Variants in AOPEP observed in about 807,000 individuals in gnomAD.
AOPEP encodes aminopeptidase O.
Under a neutral mutation model 98.1 loss-of-function variants are expected in AOPEP, and 77 were observed. That is an observed-to-expected ratio of 0.78 (90% CI 0.65 to 0.95). AOPEP has a LOEUF of 0.95. Ranked by LOEUF, AOPEP falls within the 40% of genes least tolerant of loss-of-function variation. The pLI, the probability that AOPEP is intolerant of heterozygous loss-of-function variation, is 0.00. For missense variants in AOPEP, 1,024 were observed against 1,024.7 expected (o/e 1.00, Z 0.01); for synonymous variants, 346 against 365.3 (o/e 0.95, Z 0.60).
rs992337182 is a variant in AOPEP, at chr9:95,052,914, T to C, written c.2116-7780T>C. ...GAAAATTTTAAATTCTTCCAGTTCT[T>C]GATTGCTGCTTGCACAGAACCAATG... is the stretch of plus-strand genomic sequence containing the variant. On this transcript the variant is annotated intron_variant, in intron 13 of 16. Transcript: ENST00000375315. 2.0e-5 allele frequency among the ~76,000 whole-genome samples: 3 copies of C among 152,224 alleles called. No individual in the cohort carries two copies. In the South Asian group the frequency reaches 6.2e-4, roughly 32 times the overall value.
intron 11 of AOPEP, among the ~76,000 whole-genome samples, chr9:94,986,501 A>C (rs942357869): frequency 1.3e-5 from 2 of 152,196 alleles, no homozygotes; most frequent in Admixed American, 6.5e-5. Flanking sequence ...AAAATTACTC[A>C]GCGCAACCTC....
intron 13 of AOPEP, among the ~76,000 whole-genome samples, chr9:95,014,371 G>A (rs2062810581): frequency 6.6e-6 from 1 of 152,024 alleles, no homozygotes; most frequent in South Asian, 2.1e-4. Flanking sequence ...CTCCTCCAGG[G>A]CTGAGGTGGA....
chr9:94,869,774 A>C (rs1588630979), intron 5 of AOPEP, among the ~76,000 whole-genome samples: 1 of 152,172 alleles, frequency 6.6e-6, no homozygotes, highest in East Asian at 1.9e-4. Context: ...TCTGCTGTGA[A>C]TCTCTCTCCA....
At position 94,808,049 on chromosome 9, in the gene AOPEP, T is replaced by C. The variant is rs570771747; in HGVS notation, c.1364+7047T>C. ...GCCACCTTTTCTTTTTTCTTTCTTT[T>C]TTTTTTTTTTTGAGACGGAGTCTCA... On this transcript the variant is annotated intron_variant, in intron 5 of 16. Transcript: ENST00000375315. Among the ~76,000 whole-genome samples the C allele has an allele frequency of 1.4e-3, 207 of 151,382 alleles. 2 individuals carry two copies. The highest frequency in any genetic ancestry group is 3.4e-3 in the Middle Eastern group (1 of 292).
chr9:94,825,860 G>T (rs1278284141), intron 5 of AOPEP, among the ~76,000 whole-genome samples: 3 of 152,158 alleles, frequency 2.0e-5, no homozygotes, highest in Admixed American at 1.3e-4. Flanking sequence ...TACAGACCTG[G>T]CATATTCAGT....
rs752252230 is a variant in AOPEP, at chr9:94,760,076, A to G, written c.293A>G (p.Asp98Gly). 9.5e-5 allele frequency: 154 copies of G among 1,614,096 alleles called. No homozygotes were observed. The highest frequency in any genetic ancestry group is 1.2e-4 in the Non-Finnish European group (145 of 1,180,050). The change falls in exon 2 of 17, where the codon GAT (aspartate) becomes GGT (glycine). Residue 98 changes from aspartate (D) to glycine (G), a missense_variant. Coordinates refer to ENST00000375315, the MANE Select transcript of AOPEP (RefSeq NM_001193329.3). Reference sequence around the variant, plus strand: ...TTCTCATCTGAAATGGAATATAATGATTTTGCAATCTGTAGTAAAGGTGAA... The same window carrying G: ...TTCTCATCTGAAATGGAATATAATGGTTTTGCAATCTGTAGTAAAGGTGAA... ...RTFSSEMEYN[D>G]FAICSKGEKD...
chr9:94,998,089 T>C (rs2061349259), intron 11 of AOPEP, among the ~76,000 whole-genome samples: 1 of 152,062 alleles, frequency 6.6e-6, no homozygotes. Flanking sequence ...TAATAATGTC[T>C]GCTTTTTAGA....
At chr9:95,132,215 G>A in the AOPEP span, among the ~76,000 whole-genome samples, 1 of 152,342 alleles carries the variant, frequency 6.6e-6, no homozygotes, top group East Asian at 1.9e-4. Context: ...GCCCTGGCAT[G>A]CAGCTTGCCA....
At chr9:94,859,878 T>C (rs1313310614) in intron 5 of AOPEP, among the ~76,000 whole-genome samples, 1 of 152,248 alleles carries the variant, frequency 6.6e-6, no homozygotes, top group Non-Finnish European at 1.5e-5. Flanking sequence ...GATAAATAAA[T>C]TCAGCAGACA....
At chr9:94,955,639 CTCTT>C (rs1020847600) in intron 8 of AOPEP, among the ~76,000 whole-genome samples, 6 of 152,102 alleles carry the variant, frequency 3.9e-5, no homozygotes, top group Non-Finnish European at 5.9e-5. Flanking sequence ...AACTGGGTCT[CTCTT>C]CTCTTTTCAT....
chr9:95,005,064 AG>A (rs2061878773), intron 11 of AOPEP, 93 bp from the exon 12 acceptor site: 1 of 498,988 alleles, frequency 2.0e-6, no homozygotes, highest in Admixed American at 6.2e-5. Context: ...GCCGCGGGCG[AG>A]GTACGGGGCG....
intron 5 of AOPEP, among the ~76,000 whole-genome samples, chr9:94,914,480 A>G (rs935942091): frequency 6.6e-6 from 1 of 150,384 alleles, no homozygotes; most frequent in African/African-American, 2.5e-5. Flanking sequence ...AATGCTTATT[A>G]TTGTTCTTAG....
chr9:94,953,336 A>G (rs753182601), intron 7 of AOPEP, among the ~76,000 whole-genome samples: 1 of 152,324 alleles, frequency 6.6e-6, no homozygotes, highest in Middle Eastern at 3.4e-3. Context: ...AGAAAAATGA[A>G]AAGTATGCAG....
At chr9:95,076,588 T>A (rs1241794256) in intron 14 of AOPEP, among the ~76,000 whole-genome samples, 1 of 152,234 alleles carries the variant, frequency 6.6e-6, no homozygotes, top group Non-Finnish European at 1.5e-5. Flanking sequence ...TGTAATTATA[T>A]AAAGTAAATA....
At position 94,955,316 on chromosome 9, in the gene AOPEP, G is replaced by T; in HGVS notation, c.1764+37G>T. On this transcript the variant is annotated intron_variant, in intron 8 of 16. Transcript: ENST00000375315. ...TCAGTTGCAGAAGCCAGTGATTGTG[G>T]TGCAGCACTTTTTAGGCCACACAAT... The T allele has an allele frequency of 2.9e-6, 4 of 1,358,452 alleles. No homozygotes were observed. The South Asian group carries it at 3.7e-5, about 12-fold the overall frequency. 84.1% of individuals were successfully genotyped at this position (1,358,452 alleles called of 1,614,324 possible).
the AOPEP span, chr9:95,142,674 T>G: frequency 2.6e-5 from 4 of 152,230 alleles, no homozygotes; most frequent in African/African-American, 9.6e-5. Context: ...CCCACTATAC[T>G]TATAAAAGGG....
intron 1 of AOPEP, among the ~76,000 whole-genome samples, chr9:94,734,124 T>G (rs1460147211): frequency 2.6e-5 from 4 of 152,070 alleles, no homozygotes; most frequent in Non-Finnish European, 4.4e-5. Flanking sequence ...TTGAGCTTAT[T>G]TTGCCTCTAG....
intron 7 of AOPEP, among the ~76,000 whole-genome samples, chr9:94,945,380 T>C (rs145440430): frequency 2.6e-4 from 39 of 152,342 alleles, no homozygotes; most frequent in African/African-American, 9.1e-4. Flanking sequence ...GGCGTCATCA[T>C]GGTCATTTCT....
At chr9:94,768,660 T>A (rs1050951511) in intron 2 of AOPEP, among the ~76,000 whole-genome samples, 25 of 152,266 alleles carry the variant, frequency 1.6e-4, no homozygotes, top group African/African-American at 5.8e-4. Context: ...TGGACCTGTG[T>A]CTCACCCTGT....
Sources: allele counts gnomAD v4.1 joint callset (sites outside exome capture counted in the v4.1 genomes callset), GRCh38; gene constraint gnomAD v4.1.1; transcripts MANE v1.5; gene names NCBI Gene and HGNC (gene_info 2026-07-23, HGNC 2026-07-21).